Variants in ACVR1B observed in about 807,000 individuals in gnomAD.
ACVR1B encodes the protein activin A receptor type 1B, also known as activin receptor type-1B.
Under a neutral mutation model 55.6 loss-of-function variants are expected in ACVR1B, and 15 were observed. The ratio of observed to expected loss-of-function variants is 0.27; its 90% confidence interval spans 0.18 to 0.42. The LOEUF (loss-of-function observed/expected upper bound fraction) is 0.42, where lower values mean the gene tolerates loss of function less well. Among genes scored for constraint, ACVR1B ranks in the 10% least tolerant of loss-of-function variants. ACVR1B has a pLI of 1.00. For missense variants in ACVR1B, 359 were observed against 670.1 expected (o/e 0.54, Z 5.13); for synonymous variants, 247 against 254.6 (o/e 0.97, Z 0.28).
At chr12:51,956,393 T>A (rs544247114) in intron 1 of ACVR1B, among the ~76,000 whole-genome samples, 73 of 152,312 alleles carry the variant, frequency 4.8e-4, no homozygotes, top group African/African-American at 1.5e-3. Flanking sequence ...CATGGGGAAA[T>A]AACAGAGAAC....
At chr12:51,992,123 C>A in intron 8 of ACVR1B, 130 bp downstream of exon 8, 1 of 1,231,756 alleles carries the variant, frequency 8.1e-7, no homozygotes, top group African/African-American at 1.5e-5. Flanking sequence ...CTATTACGTG[C>A]TATTTTACAT....
At chr12:51,970,565 G>A (rs896414197) in intron 1 of ACVR1B, among the ~76,000 whole-genome samples, 1 of 152,204 alleles carries the variant, frequency 6.6e-6, no homozygotes, top group Non-Finnish European at 1.5e-5. Flanking sequence ...TGCAATCACA[G>A]TTGTGTAGAG....
At chr12:51,991,599 A>G (rs1942191980) in intron 7 of ACVR1B, among the ~76,000 whole-genome samples, 1 of 152,142 alleles carries the variant, frequency 6.6e-6, no homozygotes. Context: ...ATGGGGTTTT[A>G]CCGTGTTGGC....
rs2120699878 is a variant in ACVR1B, at chr12:51,985,189, C to A, written c.980-3C>A. 2 of 1,601,114 alleles carry A rather than the reference C, an allele frequency of 1.2e-6. No individual in the cohort carries two copies. Among genetic ancestry groups the A allele is most frequent in the South Asian group, 1.1e-5 (1 of 88,744 alleles). ...TAAAGATCCCTGTTTTTTTCTCTGC[C>A]AGGGAAGCCTGGAATTGCTCATCGA... On this transcript the variant is annotated splice_region_variant and splice_polypyrimidine_tract_variant and intron_variant, in intron 5 of 8. Coordinates refer to ENST00000257963, the MANE Select transcript of ACVR1B (RefSeq NM_004302.5).
intron 3 of ACVR1B, among the ~76,000 whole-genome samples, chr12:51,977,385 C>A (rs1194559202): frequency 6.6e-6 from 1 of 152,130 alleles, no homozygotes; most frequent in Non-Finnish European, 1.5e-5. Flanking sequence ...GAAACCTCCA[C>A]CTGCCTGGTT....
intron 2 of ACVR1B, among the ~76,000 whole-genome samples, chr12:51,976,093 T>C (rs576607478): frequency 1.3e-5 from 2 of 152,108 alleles, no homozygotes; most frequent in Admixed American, 6.5e-5. Flanking sequence ...ATGCGTGAGG[T>C]GACAAAGTGG....
At chr12:51,953,259 C>A in intron 1 of ACVR1B, 1 of 797,264 alleles carries the variant, frequency 1.3e-6, no homozygotes, top group Non-Finnish European at 1.5e-6. Context: ...CTTTAATAAA[C>A]CAGACAGTCA....
rs541778314 is a variant in ACVR1B, at chr12:51,976,770, T to G, written c.580+195T>G. 2.0e-5 allele frequency among the ~76,000 whole-genome samples: 3 copies of G among 152,336 alleles called. No homozygotes were observed. The East Asian group carries it at 5.8e-4, about 29-fold the overall frequency. Reference sequence around the variant, plus strand: ...TAATGGGTTCACAGAAAATCTCTCATTCCGTGGGATTCCCAAGGTCTAGTA... The same window carrying G: ...TAATGGGTTCACAGAAAATCTCTCAGTCCGTGGGATTCCCAAGGTCTAGTA... On this transcript the variant is annotated intron_variant, in intron 3 of 8. Coordinates refer to ENST00000257963, the MANE Select transcript of ACVR1B (RefSeq NM_004302.5).
intron 7 of ACVR1B, among the ~76,000 whole-genome samples, chr12:51,991,291 T>C (rs1041804819): frequency 6.6e-6 from 1 of 152,266 alleles, no homozygotes; most frequent in Non-Finnish European, 1.5e-5. Flanking sequence ...TTTGCTCAGT[T>C]GGGAGCTTAT....
intron 1 of ACVR1B, among the ~76,000 whole-genome samples, chr12:51,955,358 A>G (rs1941387578): frequency 6.6e-6 from 1 of 152,200 alleles, no homozygotes; most frequent in African/African-American, 2.4e-5. Flanking sequence ...CGGTGAGCTA[A>G]TTGTAACCTT....
In ACVR1B at chr12:51,976,220, C is replaced by T. The variant is rs568765816; in HGVS notation, c.332-107C>T. On this transcript the variant is annotated intron_variant, in intron 2 of 8. Coordinates refer to ENST00000257963, the MANE Select transcript of ACVR1B (RefSeq NM_004302.5). The stretch of plus-strand genomic sequence containing the variant: ...AGAGATCAAGGGAGCCTGAACACAT[C>T]GACAGGGAAAGGGGTCTTTTTCACT... 1.3e-3 allele frequency: 1,755 copies of T among 1,341,570 alleles called. 3 individuals carry two copies. Among genetic ancestry groups the T allele is most frequent in the Non-Finnish European group, 1.6e-3 (1,567 of 969,902 alleles). 83.1% of individuals were successfully genotyped at this position (1,341,570 alleles called of 1,614,324 possible).
At chr12:51,966,586 C>T (rs1287909026) in intron 1 of ACVR1B, among the ~76,000 whole-genome samples, 5 of 152,098 alleles carry the variant, frequency 3.3e-5, no homozygotes, top group Non-Finnish European at 5.9e-5. Flanking sequence ...AGAGCTGGGA[C>T]GACAGGCATG....
chr12:51,986,244 TAAAC>T (rs1348374993), intron 6 of ACVR1B, among the ~76,000 whole-genome samples: 3 of 152,192 alleles, frequency 2.0e-5, no homozygotes, highest in East Asian at 3.9e-4. Context: ...ATGCTTCAAA[TAAAC>T]AAATCTTTAC....
chr12:51,965,328 A>G (rs1316202913), intron 1 of ACVR1B, among the ~76,000 whole-genome samples: 2 of 152,128 alleles, frequency 1.3e-5, no homozygotes, highest in Non-Finnish European at 2.9e-5. Flanking sequence ...AAGCAGGGGA[A>G]AAAAAGCTAG....
intron 4 of ACVR1B, 74 bp downstream of exon 4, chr12:51,981,273 G>A (rs1941972185): frequency 7.9e-7 from 1 of 1,264,854 alleles, no homozygotes; most frequent in Admixed American, 2.1e-5. Flanking sequence ...GGGGTGCACA[G>A]CTCTGTTTGC....
intron 1 of ACVR1B, among the ~76,000 whole-genome samples, chr12:51,971,285 C>T (rs936630234): frequency 5.9e-5 from 9 of 152,182 alleles, no homozygotes; most frequent in African/African-American, 9.6e-5. Context: ...ACTTTGGAAC[C>T]GTGTTCAAAC....
intron 1 of ACVR1B, among the ~76,000 whole-genome samples, chr12:51,957,760 A>G (rs1481287364): frequency 1.3e-5 from 2 of 152,130 alleles, no homozygotes; most frequent in Non-Finnish European, 2.9e-5. Context: ...ATTAACATTG[A>G]ACTTTACTGA....
chr12:51,962,854 AT>A (rs1196463988), intron 1 of ACVR1B, among the ~76,000 whole-genome samples: 1 of 152,194 alleles, frequency 6.6e-6, no homozygotes, highest in Admixed American at 6.5e-5. Context: ...TGCCCCTGAA[AT>A]TATTAGGCTG....
At chr12:51,955,134 C>T (rs1238427054) in intron 1 of ACVR1B, among the ~76,000 whole-genome samples, 3 of 152,166 alleles carry the variant, frequency 2.0e-5, no homozygotes, top group Admixed American at 6.5e-5. Context: ...GTTTATGGCA[C>T]TATGTAAATG....
Sources: gnomAD v4.1 joint callset for allele counts (sites outside exome capture counted in the v4.1 genomes callset) on GRCh38, gnomAD v4.1.1 for gene constraint, MANE v1.5 for transcripts, NCBI Gene and HGNC (gene_info 2026-07-23, HGNC 2026-07-21) for gene names.